CELF2: variants seen among roughly 807,000 people sequenced by gnomAD.
The protein encoded by CELF2 is CUG triplet repeat RNA-binding protein 2.
In CELF2, 8 loss-of-function variants were observed where a neutral mutation model predicts 62.6. The ratio of observed to expected loss-of-function variants is 0.13; its 90% CI spans 0.07 to 0.23. The LOEUF is 0.23. Ranked by LOEUF, CELF2 falls within the 10% of genes least tolerant of loss-of-function variation. The probability of loss-of-function intolerance (pLI) is 1.00; values close to 1 mark genes in which losing one functional copy is unlikely to be tolerated. For missense variants in CELF2, 333 were observed against 671.0 expected, an observed-to-expected ratio of 0.50 and a Z score of 5.56; for synonymous variants, 258 against 250.0, an observed-to-expected ratio of 1.03 and a Z score of -0.30.
Position 11,121,058 on chromosome 10 carries a change from G to A in CELF2, c.75-44428G>A, listed in dbSNP as rs183137596. On this transcript the variant is annotated intron_variant, in intron 1 of 12. Coordinates refer to ENST00000633077, the MANE Select transcript of CELF2 (RefSeq NM_001326342.2). ...TTAGACCCCAAGGCATGTTCCTGTC[G>A]TGGACAGAAATCACCACCTTAGACC... Among the ~76,000 whole-genome samples, 17 of 152,244 alleles carry A rather than the reference G, an allele frequency of 1.1e-4. No individual in the cohort carries two copies. In the East Asian group the frequency reaches 1.9e-3, roughly 17 times the overall value.
chr10:10,986,102 T>C (rs2052718117), intron 2 of CELF2, among the ~76,000 whole-genome samples: 1 of 152,220 alleles, frequency 6.6e-6, no homozygotes, highest in Non-Finnish European at 1.5e-5. Flanking sequence ...GATAGTTGAT[T>C]AGATTAATTT....
intron 2 of CELF2, among the ~76,000 whole-genome samples, chr10:10,977,101 G>C (rs148007888): frequency 3.8e-5 from 5 of 131,390 alleles, no homozygotes; most frequent in African/African-American, 8.2e-5. Flanking sequence ...AGCTTCCCAC[G>C]GGCAAACACC....
At chr10:10,581,475 G>C in the CELF2 span, among the ~76,000 whole-genome samples, 6 of 152,036 alleles carry the variant, frequency 3.9e-5, no homozygotes, top group African/African-American at 1.2e-4. Flanking sequence ...GCTCTGGCAG[G>C]GTGGAGATTG....
intron 8 of CELF2, among the ~76,000 whole-genome samples, chr10:11,282,898 G>T (rs1440493265): frequency 6.6e-6 from 1 of 152,348 alleles, no homozygotes; most frequent in Non-Finnish European, 1.5e-5. Context: ...TCCAAGAAAC[G>T]TGAGGCCCTG....
rs552846071 is a variant in CELF2 at position 11,011,518 on chromosome 10, A to G, written c.53+6078A>G. On this transcript the variant is annotated intron_variant, in intron 1 of 12. Coordinates refer to the CELF2 transcript ENST00000416382. This position sits in a 1 kb window ranked among gnomAD's most constrained non-coding sequence, Gnocchi z 4.6. ...CTTAGCTTCATCTCCTTTCTTCCTC[A>G]GACCCTAATGTCATTTACATCTCTC... Among the ~76,000 whole-genome samples, 16 of 151,922 alleles carry G rather than the reference A, an allele frequency of 1.1e-4. No homozygotes were observed. Among genetic ancestry groups the G allele is most frequent in the African/African-American group, 3.9e-4 (16 of 41,446 alleles).
At chr10:10,786,258 G>A in the CELF2 span, among the ~76,000 whole-genome samples, 21 of 152,170 alleles carry the variant, frequency 1.4e-4, no homozygotes, top group African/African-American at 2.2e-4. Context: ...ATGCCTCATC[G>A]TGCTTCTGTA....
intron 1 of CELF2, among the ~76,000 whole-genome samples, chr10:10,910,671 A>G (rs12098504): frequency 0.093 from 12,205 of 131,848 alleles, 1,086 homozygotes; most frequent in African/African-American, 0.25. Context: ...CTGCACTCTA[A>G]CCTGGACTAC....
intron 2 of CELF2, among the ~76,000 whole-genome samples, chr10:11,213,487 T>C (rs1276051738): frequency 6.6e-6 from 1 of 152,250 alleles, no homozygotes; most frequent in Non-Finnish European, 1.5e-5. Flanking sequence ...TCGTGGTTTT[T>C]CAGGGATCTG....
chr10:11,186,490 A>G (rs926285422), intron 2 of CELF2, among the ~76,000 whole-genome samples: 1 of 152,196 alleles, frequency 6.6e-6, no homozygotes, highest in African/African-American at 2.4e-5. Flanking sequence ...GTACCATTTT[A>G]CCTACATCCA....
chr10:10,564,660 ACACACACACACACG>A, the CELF2 span, among the ~76,000 whole-genome samples: 1 of 100,058 alleles, frequency 1.0e-5, no homozygotes, highest in Admixed American at 9.7e-5. Context: ...ACACACACAC[ACACACACACACACG>A]CACACACGCA....
intron 9 of CELF2, among the ~76,000 whole-genome samples, chr10:11,303,310 C>T (rs2093937989): frequency 6.6e-6 from 1 of 152,176 alleles, no homozygotes; most frequent in African/African-American, 2.4e-5. Flanking sequence ...TCACCCTTCT[C>T]GGGACGCTCT....
At chr10:10,768,799 C>T in the CELF2 span, among the ~76,000 whole-genome samples, 2 of 152,012 alleles carry the variant, frequency 1.3e-5, no homozygotes, top group Non-Finnish European at 2.9e-5. Flanking sequence ...GTGTCAAACT[C>T]CTGACCTCAA....
chr10:11,304,217 G>A (rs1390249296), intron 9 of CELF2, among the ~76,000 whole-genome samples: 1 of 152,096 alleles, frequency 6.6e-6, no homozygotes, highest in Non-Finnish European at 1.5e-5. Flanking sequence ...GCTTCTGCAG[G>A]CCACCAGCTT....
At chr10:10,735,369 C>T in the CELF2 span, among the ~76,000 whole-genome samples, 2 of 152,126 alleles carry the variant, frequency 1.3e-5, no homozygotes, top group African/African-American at 4.8e-5. Flanking sequence ...TGGGCTATTT[C>T]AAGGCATCAG....
the CELF2 span, among the ~76,000 whole-genome samples, chr10:10,481,110 T>A: frequency 2.0e-5 from 3 of 152,190 alleles, no homozygotes; most frequent in East Asian, 3.9e-4. Flanking sequence ...TGAAAAAAAA[T>A]TCAAGAGGAA....
In CELF2 at chr10:11,268,272, G is replaced by A. The variant is rs192206061; in HGVS notation, c.618+1595G>A. Among the ~76,000 whole-genome samples the A allele has an allele frequency of 6.8e-4, 104 of 152,180 alleles. No homozygotes were observed. The highest frequency in any genetic ancestry group is 1.9e-4 in the East Asian group (1 of 5,188). The stretch of plus-strand genomic sequence containing the variant: ...TTTACTTGTATTATCTTCCATATAC[G>A]CGTTTCATTCTTATTTTTATTTCTT... On this transcript the variant is annotated intron_variant, in intron 6 of 12. Coordinates refer to ENST00000633077, the MANE Select transcript of CELF2 (RefSeq NM_001326342.2). The surrounding 1 kb of genome is among the most constrained non-coding windows in gnomAD (Gnocchi z 4.7).
chr10:10,986,046 A>G (rs1244563474), intron 2 of CELF2, among the ~76,000 whole-genome samples: 1 of 152,228 alleles, frequency 6.6e-6, no homozygotes, highest in Admixed American at 6.5e-5. Flanking sequence ...AATTTTAACC[A>G]TTCATTTATC....
At chr10:10,785,287 A>G in the CELF2 span, among the ~76,000 whole-genome samples, 10 of 152,150 alleles carry the variant, frequency 6.6e-5, no homozygotes, top group Non-Finnish European at 8.8e-5. Flanking sequence ...TCTCAATATC[A>G]TCTGGAGTGT....
the CELF2 span, among the ~76,000 whole-genome samples, chr10:10,553,477 C>T: frequency 4.6e-5 from 7 of 152,082 alleles, no homozygotes; most frequent in South Asian, 2.1e-4. Context: ...TATCATTGCA[C>T]GGGGAGTTAG....
Sources: allele counts gnomAD v4.1 joint callset (sites outside exome capture counted in the v4.1 genomes callset), GRCh38; gene constraint gnomAD v4.1.1; non-coding constraint Gnocchi (gnomAD v3.1); transcripts MANE v1.5; gene names NCBI Gene and HGNC (gene_info 2026-07-23, HGNC 2026-07-21).